The following C5orf24 variants were observed in gnomAD, a reference collection of about 807,000 sequenced individuals.
C5orf24 encodes the protein UPF0461 protein C5orf24.
A neutral mutation model predicts 9.8 loss-of-function variants in C5orf24; 4 were observed. The observed-to-expected ratio is 0.41, with a 90% CI of 0.20 to 0.93. The LOEUF (loss-of-function observed/expected upper bound fraction) is 0.93. Ranked by LOEUF, C5orf24 falls within the 40% of genes least tolerant of loss-of-function variation. The probability of loss-of-function intolerance (pLI) is 0.33; values close to 1 mark genes in which losing one functional copy is unlikely to be tolerated. For missense variants in C5orf24, 170 were observed against 236.9 expected, an observed-to-expected ratio of 0.72 and a Z score of 1.85; for synonymous variants, 73 against 81.3, an observed-to-expected ratio of 0.90 and a Z score of 0.55.
rs1203266766 is a variant in C5orf24 at position 134,857,638 on chromosome 5, A to G, written c.*2171A>G. 1.2e-5 allele frequency: 5 copies of G among 405,682 alleles called. No individual in the cohort carries two copies. The highest frequency in any genetic ancestry group is 9.0e-5 in the Admixed American group (2 of 22,144). 25.1% of individuals were successfully genotyped at this position (405,682 alleles called of 1,614,324 possible). On this transcript the variant is annotated 3_prime_UTR_variant, in exon 2 of 2. Transcript: ENST00000394976. Reference sequence around the variant, plus strand: ...TTTTTAATAATTTACTCAGAACAGTATAACTTCTGACACACACAAATGCTT... The same window carrying G: ...TTTTTAATAATTTACTCAGAACAGTGTAACTTCTGACACACACAAATGCTT...
At chr5:134,835,176 G>A in the C5orf24 span, among the ~76,000 whole-genome samples, 6 of 151,648 alleles carry the variant, frequency 4.0e-5, no homozygotes, top group African/African-American at 1.2e-4. Context: ...AGTGCACTCC[G>A]GCCTGGACAA....
the C5orf24 span, among the ~76,000 whole-genome samples, chr5:134,836,724 A>G: frequency 1.3e-5 from 2 of 150,680 alleles, no homozygotes; most frequent in Non-Finnish European, 3.0e-5. Context: ...TTATATTTTT[A>G]GTAGAGACAG....
At position 134,855,416 on chromosome 5, in the gene C5orf24, A is replaced by G. The variant is rs749013674; in HGVS notation, c.516A>G (p.Ala172=). ...AFPYPMMHGR[A]VHGVEETSSE... is the part of the protein sequence containing the mutation. ...CTTACCCTATGATGCATGGCAGAGCAGTTCATGGGGTAGAGGAAACTAGCA... is the reference window on the plus strand; with the variant it reads ...CTTACCCTATGATGCATGGCAGAGCGGTTCATGGGGTAGAGGAAACTAGCA... Residue 172 remains alanine, a synonymous_variant, in exon 2 of 2, where the codon GCA becomes GCG. Transcript: ENST00000394976. 6.2e-6 allele frequency: 10 copies of G among 1,614,058 alleles called. No homozygotes were observed. The highest frequency in any genetic ancestry group is 8.5e-6 in the Non-Finnish European group (10 of 1,180,036).
chr5:134,843,283 C>T (rs575073783), upstream of C5orf24, among the ~76,000 whole-genome samples: 123 of 151,948 alleles, frequency 8.1e-4, no homozygotes, highest in African/African-American at 2.9e-3. Flanking sequence ...GGCCTTATTC[C>T]CATGAATTCT....
At chr5:134,850,986 A>G (rs1756143796) in intron 1 of C5orf24, among the ~76,000 whole-genome samples, 1 of 149,304 alleles carries the variant, frequency 6.7e-6, no homozygotes, top group African/African-American at 2.5e-5. Flanking sequence ...ATACATACAG[A>G]AATACATATA....
At chr5:134,841,223 AC>A (rs955566144), upstream of C5orf24, among the ~76,000 whole-genome samples, 57 of 152,166 alleles carry the variant, frequency 3.7e-4, no homozygotes, top group African/African-American at 1.1e-3. Flanking sequence ...GGTAAAAATA[AC>A]GTTTGTAGTT....
At chr5:134,835,621 T>C in the C5orf24 span, among the ~76,000 whole-genome samples, 1 of 152,196 alleles carries the variant, frequency 6.6e-6, no homozygotes, top group Non-Finnish European at 1.5e-5. Flanking sequence ...CACTCCAGCT[T>C]GGGTGACAGA....
chr5:134,837,600 G>T, the C5orf24 span, among the ~76,000 whole-genome samples: 1 of 151,074 alleles, frequency 6.6e-6, no homozygotes, highest in Non-Finnish European at 1.5e-5. Context: ...GGGCTAGTGG[G>T]ATCAGTGCCC....
chr5:134,849,136 T>G (rs1756083039), intron 1 of C5orf24, among the ~76,000 whole-genome samples: 1 of 151,700 alleles, frequency 6.6e-6, no homozygotes, highest in South Asian at 2.1e-4. Context: ...ATGCCTGTAA[T>G]CCCAGCTACT....
Position 134,859,224 on chromosome 5 carries a change from A to T in C5orf24, c.*3757A>T, listed in dbSNP as rs1401395612. ...TGCAGTAAAATTTTATGGTCCCTTT[A>T]TAGGAATATAAAGAATTCAAAACAG... is the stretch of plus-strand genomic sequence containing the variant. On this transcript the variant is annotated 3_prime_UTR_variant, in exon 2 of 2. Coordinates refer to ENST00000394976, the MANE Select transcript of C5orf24 (RefSeq NM_001135586.1). The T allele has an allele frequency of 6.0e-6, 1 of 167,034 alleles. No individual in the cohort carries two copies. Among genetic ancestry groups the T allele is most frequent in the Admixed American group, 6.6e-5 (1 of 15,260 alleles). 10.3% of individuals were successfully genotyped at this position (167,034 alleles called of 1,614,324 possible). A position where few individuals can be genotyped will look rare whatever the true frequency, so the allele number is the denominator to read the frequency against.
chr5:134,854,138 A>G (rs1756244863), intron 1 of C5orf24, among the ~76,000 whole-genome samples: 1 of 152,242 alleles, frequency 6.6e-6, no homozygotes. Context: ...TTTTTGTAGT[A>G]TAAGTCTTAA....
intron 1 of C5orf24, among the ~76,000 whole-genome samples, chr5:134,848,700 G>A (rs1202725388): frequency 7.1e-6 from 1 of 140,880 alleles, no homozygotes; most frequent in Admixed American, 7.4e-5. Context: ...GGTGCCTCAC[G>A]CCTGTAATCC....
chr5:134,845,375 C>T (rs1755964184), upstream of C5orf24, among the ~76,000 whole-genome samples: 1 of 152,200 alleles, frequency 6.6e-6, no homozygotes, highest in Admixed American at 6.5e-5. Flanking sequence ...GGATCCTCTC[C>T]ATTCTGACAT....
chr5:134,846,979 A>G (rs1428367415), intron 1 of C5orf24: 2 of 152,246 alleles, frequency 1.3e-5, no homozygotes, highest in Non-Finnish European at 2.9e-5. Flanking sequence ...TTTGGAGAAC[A>G]GAACTTGGGT....
Position 134,857,430 on chromosome 5 carries a change from C to G in C5orf24, c.*1963C>G, listed in dbSNP as rs1324825233. 1.3e-6 allele frequency: 2 copies of G among 1,542,894 alleles called. No individual in the cohort carries two copies. The highest frequency in any genetic ancestry group is 4.9e-5 in the East Asian group (2 of 40,774). ...GAGCTGGACTTTATGCTGCTCTTTA[C>G]AGTAAGAGGTGTTGCATTGTATGTG... On this transcript the variant is annotated 3_prime_UTR_variant, in exon 2 of 2. Coordinates refer to ENST00000394976, the MANE Select transcript of C5orf24 (RefSeq NM_001135586.1).
chr5:134,848,221 G>A lies in C5orf24; in HGVS notation c.-4+2009G>A, dbSNP rs151200646. 1.4e-4 allele frequency among the ~76,000 whole-genome samples: 21 copies of A among 152,288 alleles called. No homozygotes were observed. The East Asian group carries it at 4.1e-3, about 30-fold the overall frequency. Reference sequence around the variant, plus strand: ...AGCTACTCGGGAAGCTGAGGCAGGAGAATGGCGAGAACCTGGGAGGCGTAG... The same window carrying A: ...AGCTACTCGGGAAGCTGAGGCAGGAAAATGGCGAGAACCTGGGAGGCGTAG... On this transcript the variant is annotated intron_variant, in intron 1 of 1. Coordinates refer to ENST00000394976, the MANE Select transcript of C5orf24 (RefSeq NM_001135586.1).
In C5orf24 at chr5:134,856,954, A is replaced by C; in HGVS notation, c.*1487A>C. 24 of 1,004,712 alleles carry C rather than the reference A, an allele frequency of 2.4e-5. No individual in the cohort carries two copies. The highest frequency in any genetic ancestry group is 2.6e-5 in the Non-Finnish European group (22 of 833,120). The allele number at this position is 1,004,712 out of a possible 1,614,324, so 62.2% of individuals were successfully genotyped here. On this transcript the variant is annotated 3_prime_UTR_variant, in exon 2 of 2. Coordinates refer to ENST00000394976, the MANE Select transcript of C5orf24 (RefSeq NM_001135586.1). ...AAAATCTTATTGTGGGTCCAGTGAGACCATCTCATCCAAAAGATTTTTTTT... is the reference window on the plus strand; with the variant it reads ...AAAATCTTATTGTGGGTCCAGTGAGCCCATCTCATCCAAAAGATTTTTTTT...
chr5:134,836,453 G>A, the C5orf24 span, among the ~76,000 whole-genome samples: 2,129 of 151,244 alleles, frequency 0.014, 53 homozygotes, highest in African/African-American at 0.049. Flanking sequence ...GATTACGGGC[G>A]TGAGCCACTG....
chr5:134,833,722 G>C, the C5orf24 span: 2 of 152,174 alleles, frequency 1.3e-5, no homozygotes, highest in Non-Finnish European at 2.9e-5. Flanking sequence ...GTCCAAGTAG[G>C]AATGCAAAGA....
Sources: gnomAD v4.1 joint callset for allele counts (sites outside exome capture counted in the v4.1 genomes callset) on GRCh38, gnomAD v4.1.1 for gene constraint, MANE v1.5 for transcripts, NCBI Gene and HGNC (gene_info 2026-07-23, HGNC 2026-07-21) for gene names.